The following SMYD5 variants were observed in gnomAD, a reference collection of about 807,000 sequenced individuals.
SMYD5 encodes SMYD family member 5, also known as protein-lysine N-trimethyltransferase SMYD5.
SMYD5 carries 35 observed loss-of-function variants against 57.4 expected under a neutral mutation model. The ratio of observed to expected loss-of-function variants is 0.61; its 90% CI spans 0.47 to 0.81. The LOEUF (loss-of-function observed/expected upper bound fraction) is 0.81, where lower values mean the gene tolerates loss of function less well. Ranked by LOEUF, SMYD5 falls within the 30% of genes least tolerant of loss-of-function variation. The pLI is 0.00. For missense variants in SMYD5, 471 were observed against 527.9 expected (o/e 0.89, Z 1.06); for synonymous variants, 198 against 189.7 (o/e 1.04, Z -0.36).
rs1686508172 is a variant in SMYD5 at position 73,226,418 on chromosome 2, G to A, written c.*472G>A. The A allele has an allele frequency of 6.4e-6, 1 of 156,054 alleles. No homozygotes were observed. The highest frequency in any genetic ancestry group is 2.4e-5 in the African/African-American group (1 of 41,474). The allele number at this position is 156,054 out of a possible 1,614,324, so 9.7% of individuals were successfully genotyped here. The stretch of plus-strand genomic sequence containing the variant: ...CCTCACCTCCCCCCACCACAGCTGT[G>A]GCTGGTAAGGCAACTGCTTGACCAC... On this transcript the variant is annotated 3_prime_UTR_variant, in exon 13 of 13. Coordinates refer to ENST00000389501, the MANE Select transcript of SMYD5 (RefSeq NM_006062.3).
Position 73,219,100 on chromosome 2 carries a change from C to T in SMYD5, c.205+131C>T, listed in dbSNP as rs972949595. On this transcript the variant is annotated intron_variant, in intron 2 of 12. Coordinates refer to ENST00000389501, the MANE Select transcript of SMYD5 (RefSeq NM_006062.3). ...GGAAATGCTGTCTTCCATTGAAGGA[C>T]TGTGCCTGAGAACCATGCCTCTGTC... 1.9e-5 allele frequency: 13 copies of T among 689,800 alleles called. No homozygotes were observed. The African/African-American group carries it at 1.9e-4, about 10-fold the overall frequency. The allele number at this position is 689,800 out of a possible 1,614,324, so 42.7% of individuals were successfully genotyped here.
intron 1 of SMYD5, among the ~76,000 whole-genome samples, chr2:73,216,554 G>A (rs558480864): frequency 3.3e-5 from 5 of 152,060 alleles, no homozygotes; most frequent in African/African-American, 7.2e-5. Flanking sequence ...AAAATTAGTC[G>A]GGCGTGGTGG....
In SMYD5 at chr2:73,214,657, T is replaced by C. The variant is rs1028127622; in HGVS notation, c.96+295T>C. ...GGGCGGGGCTAGGGGGCTTTGCTGC[T>C]GTATCCCTGGAACGGTGGGCGGGGA... On this transcript the variant is annotated intron_variant, in intron 1 of 12. Coordinates refer to ENST00000389501, the MANE Select transcript of SMYD5 (RefSeq NM_006062.3). 13 of 1,473,970 alleles carry C rather than the reference T, an allele frequency of 8.8e-6. No individual in the cohort carries two copies. In the African/African-American group the frequency reaches 1.8e-4, roughly 21 times the overall value. The allele number at this position is 1,473,970 out of a possible 1,614,324, so 91.3% of individuals were successfully genotyped here. A position where few individuals can be genotyped will look rare whatever the true frequency, so the allele number is the denominator to read the frequency against.
chr2:73,225,687 C>T lies in SMYD5; in HGVS notation c.1092C>T (p.Arg364=). The change falls in exon 12 of 13, where the codon CGC becomes CGT. Residue 364 remains arginine (R), a synonymous_variant. Coordinates refer to ENST00000389501, the MANE Select transcript of SMYD5 (RefSeq NM_006062.3). ...CCQRERSRHS[R]HKILRENYLF... ...AGCGGGAGCGCAGCCGCCACAGCCG[C>T]CACAAGATCCTCAGGTGCCAGCTGG... 1 of 1,614,222 alleles carries T rather than the reference C, an allele frequency of 6.2e-7. No homozygotes were observed.
chr2:73,220,260 G>C, intron 3 of SMYD5, 70 bp downstream of exon 3: 2 of 1,553,098 alleles, frequency 1.3e-6, no homozygotes, highest in Non-Finnish European at 1.8e-6. Flanking sequence ...TCCTCAGTGG[G>C]GAGACAGGAG....
intron 1 of SMYD5, chr2:73,214,963 C>T: frequency 2.5e-6 from 1 of 393,854 alleles, no homozygotes; most frequent in Non-Finnish European, 3.5e-6. Flanking sequence ...ACCCATACTT[C>T]TATACTTGTG....
At chr2:73,221,303 C>A in intron 5 of SMYD5, 69 bp downstream of exon 5, 1 of 1,282,246 alleles carries the variant, frequency 7.8e-7, no homozygotes, top group Non-Finnish European at 1.1e-6. Flanking sequence ...CAGTCTTTTC[C>A]TCACCTCAAA....
rs774332794 is a variant in SMYD5, at chr2:73,225,676, C to T, written c.1081C>T (p.Arg361Cys). 29 of 1,613,952 alleles carry T rather than the reference C, an allele frequency of 1.8e-5. No individual in the cohort carries two copies. Among genetic ancestry groups the T allele is most frequent in the Non-Finnish European group, 2.3e-5 (27 of 1,179,982 alleles). The change falls in exon 12 of 13, where the codon CGC becomes TGC. Residue 361 changes from arginine (R) to cysteine (C), a missense_variant. Coordinates refer to ENST00000389501, the MANE Select transcript of SMYD5 (RefSeq NM_006062.3). ...GGACTGCTGTCAGCGGGAGCGCAGC[C>T]GCCACAGCCGCCACAAGATCCTCAG... ...YLDCCQRERS[R>C]HSRHKILREN...
At chr2:73,214,723 C>T (rs142299777) in intron 1 of SMYD5, 5 of 1,347,702 alleles carry the variant, frequency 3.7e-6, no homozygotes, top group Admixed American at 4.5e-5. Flanking sequence ...AGAGGGAGTC[C>T]TCACGAACTT....
chr2:73,220,101 A>G lies in SMYD5; in HGVS notation c.256A>G (p.Arg86Gly). 6.2e-7 allele frequency: 1 copy of G among 1,614,204 alleles called. No individual in the cohort carries two copies. Among genetic ancestry groups the G allele is most frequent in the Non-Finnish European group, 8.5e-7 (1 of 1,180,036 alleles). ...ALEKAEENAQ[R>G]LTGKPGQVLP... is the part of the protein sequence containing the mutation. ...AGAGAAGGCAGAGGAGAATGCCCAGAGGCTGACCGGGAAACCAGGCCAGGT... is the reference window on the plus strand; with the variant it reads ...AGAGAAGGCAGAGGAGAATGCCCAGGGGCTGACCGGGAAACCAGGCCAGGT... Residue 86 changes from arginine (R) to glycine (G), a missense_variant, in exon 3 of 13, where the codon AGG becomes GGG. Physicochemically the swap from Arg to Gly is moderately radical, Grantham distance 125. Transcript: ENST00000389501.
chr2:73,222,378 A>G (rs1686411831), intron 6 of SMYD5, among the ~76,000 whole-genome samples: 1 of 152,154 alleles, frequency 6.6e-6, no homozygotes, highest in Non-Finnish European at 1.5e-5. Context: ...GGTGTGTACA[A>G]GGTTTGCATC....
At chr2:73,224,072 A>G (rs1451298737) in intron 10 of SMYD5, 69 bp downstream of exon 10, 1 of 1,445,606 alleles carries the variant, frequency 6.9e-7, no homozygotes, top group East Asian at 2.3e-5. Flanking sequence ...TTGCAGCCAC[A>G]GTTTATCTTT....
rs574220356 is a variant in SMYD5 at position 73,223,557 on chromosome 2, C to T, written c.883+25C>T. 3.0e-4 allele frequency: 453 copies of T among 1,517,190 alleles called. 7 individuals carry two copies. In the South Asian group the frequency reaches 4.8e-3, roughly 16 times the overall value. The allele number at this position is 1,517,190 out of a possible 1,614,324, so 94.0% of individuals were successfully genotyped here. A position where few individuals can be genotyped will look rare whatever the true frequency, so the allele number is the denominator to read the frequency against. ...GGTTGGTGAGATAGGGCCTTGGCCT[C>T]ACCCAGCCATGGCGACCCCCCCAGT... On this transcript the variant is annotated intron_variant, in intron 9 of 12. Coordinates refer to ENST00000389501, the MANE Select transcript of SMYD5 (RefSeq NM_006062.3).
chr2:73,223,100 G>A lies in SMYD5; in HGVS notation c.770G>A (p.Gly257Glu). The A allele has an allele frequency of 6.2e-7, 1 of 1,613,852 alleles. No individual in the cohort carries two copies. Among genetic ancestry groups the A allele is most frequent in the Non-Finnish European group, 8.5e-7 (1 of 1,179,702 alleles). The change falls in exon 8 of 13, where the codon GGG becomes GAG. Residue 257 changes from glycine to glutamate, a missense_variant. Transcript: ENST00000389501. ...ALVGTNGQGI[G>E]TSSLSQWVHA... ...GTTGGGACCAATGGCCAAGGAATCG[G>A]GACCAGGTTAGAATGTTCCAGAGCT...
chr2:73,223,341 TC>T (rs1686433405), intron 8 of SMYD5, 84 bp from the exon 9 acceptor site: 1 of 983,516 alleles, frequency 1.0e-6, no homozygotes, highest in East Asian at 2.4e-5. Flanking sequence ...AGACCCTTCT[TC>T]CTGGGCTTAA....
In SMYD5 at chr2:73,218,885, C is replaced by T. The variant is rs1415816524; in HGVS notation, c.121C>T (p.Leu41Phe). The T allele has an allele frequency of 6.2e-7, 1 of 1,614,002 alleles. No individual in the cohort carries two copies. Among genetic ancestry groups the T allele is most frequent in the African/African-American group, 1.3e-5 (1 of 74,936 alleles). The change falls in exon 2 of 13, where the codon CTC becomes TTC. Residue 41 changes from leucine (L) to phenylalanine (F), a missense_variant. Transcript: ENST00000389501. The stretch of plus-strand genomic sequence containing the variant: ...GGGAAAGGGGCTGTTTGCCACACAG[C>T]TCATCCGGAAGGGGGAGACCATCTT... ...AKGKGLFATQ[L>F]IRKGETIFVE...
chr2:73,222,699 G>A, intron 6 of SMYD5, 56 bp from the exon 7 acceptor site: 2 of 1,498,030 alleles, frequency 1.3e-6, no homozygotes, highest in Admixed American at 1.8e-5. Context: ...GCCCTGCCTG[G>A]GTGCTAATGG....
Position 73,226,793 on chromosome 2 carries a change from T to C in SMYD5, c.*847T>C, listed in dbSNP as rs1686516683. ...TCCTTAGATTAGGATGCTCTGGTAT[T>C]CCTGGGGCCAGTTAAAATGGGTCAG... On this transcript the variant is annotated 3_prime_UTR_variant, in exon 13 of 13. Coordinates refer to ENST00000389501, the MANE Select transcript of SMYD5 (RefSeq NM_006062.3). The C allele has an allele frequency of 6.5e-6, 1 of 152,718 alleles. No individual in the cohort carries two copies. Among genetic ancestry groups the C allele is most frequent in the Admixed American group, 6.5e-5 (1 of 15,276 alleles). 9.5% of individuals were successfully genotyped at this position (152,718 alleles called of 1,614,324 possible). A position where few individuals can be genotyped will look rare whatever the true frequency, so the allele number is the denominator to read the frequency against.
At chr2:73,220,815 C>G (rs1034181704) in intron 4 of SMYD5, 33 bp downstream of exon 4, 2 of 1,609,994 alleles carry the variant, frequency 1.2e-6, no homozygotes, top group Non-Finnish European at 1.7e-6. Flanking sequence ...TTTCCTTTAT[C>G]CTTTCCTCCC....
Sources: allele counts gnomAD v4.1 joint callset (sites outside exome capture counted in the v4.1 genomes callset), GRCh38; gene constraint gnomAD v4.1.1; transcripts MANE v1.5; gene names NCBI Gene and HGNC (gene_info 2026-07-23, HGNC 2026-07-21).